RMP64: variants seen among roughly 807,000 people sequenced by gnomAD.
RMP64 encodes the protein nucleolus and neural progenitor protein.
At chr3:113,008,153 T>G in the RMP64 span, 1 of 1,600,516 alleles carries the variant, frequency 6.2e-7, no homozygotes, top group Non-Finnish European at 8.5e-7. Context: ...AGTAACATAA[T>G]TTTTGCAATA....
At chr3:113,004,098 T>C in the RMP64 span, 92 of 152,308 alleles carry the variant, frequency 6.0e-4, 1 homozygote, top group African/African-American at 2.1e-3. Context: ...GAAATCTCCT[T>C]GGTATTGTCT....
chr3:113,017,769 T>C, the RMP64 span, among the ~76,000 whole-genome samples: 1 of 152,180 alleles, frequency 6.6e-6, no homozygotes, highest in African/African-American at 2.4e-5. Context: ...ATAAGAGAAG[T>C]TGGAAAATGG....
chr3:113,008,529 TAGA>T, the RMP64 span: 6 of 1,058,118 alleles, frequency 5.7e-6, no homozygotes, highest in Non-Finnish European at 8.3e-6. Context: ...ATTTAAAAAT[TAGA>T]ATTATCAGTC....
the RMP64 span, chr3:113,013,153 TAAG>T: frequency 4.6e-5 from 53 of 1,142,526 alleles, no homozygotes; most frequent in Non-Finnish European, 6.6e-5. Context: ...AGCAAAAGTT[TAAG>T]AATTCCTGTA....
At chr3:113,017,734 C>A in the RMP64 span, 1 of 749,326 alleles carries the variant, frequency 1.3e-6, no homozygotes. Context: ...TCAGTCTCAA[C>A]TGTAAGAACG....
At chr3:113,013,619 T>G in the RMP64 span, among the ~76,000 whole-genome samples, 2 of 152,158 alleles carry the variant, frequency 1.3e-5, no homozygotes, top group Non-Finnish European at 2.9e-5. Context: ...AAGCTCCCAT[T>G]ACTTTCATTT....
chr3:113,006,219 T>C, the RMP64 span, among the ~76,000 whole-genome samples: 1 of 152,152 alleles, frequency 6.6e-6, no homozygotes, highest in Non-Finnish European at 1.5e-5. Flanking sequence ...TGTGTCCCCA[T>C]TTTGCTTTCA....
At chr3:113,015,952 G>A in the RMP64 span, among the ~76,000 whole-genome samples, 1 of 151,832 alleles carries the variant, frequency 6.6e-6, no homozygotes, top group Non-Finnish European at 1.5e-5. Context: ...TGCCAGAAAG[G>A]CTTAAAATGG....
the RMP64 span, among the ~76,000 whole-genome samples, chr3:113,015,392 CAAAT>C: frequency 3.1e-4 from 47 of 152,198 alleles, no homozygotes; most frequent in African/African-American, 1.0e-3. Flanking sequence ...GCTATGAAGA[CAAAT>C]AAGGCAGAGA....
chr3:113,019,471 C>T, the RMP64 span: 984,311 of 1,300,084 alleles, frequency 0.76, 380,416 homozygotes, highest in Non-Finnish European at 0.8. Flanking sequence ...CACCCCCGCC[C>T]ACATGCGCCG....
At chr3:113,011,516 G>A in the RMP64 span, 1 of 974,266 alleles carries the variant, frequency 1.0e-6, no homozygotes, top group Non-Finnish European at 1.5e-6. Context: ...AGGTCCTCCA[G>A]TACAGATAAA....
chr3:113,011,764 A>G, the RMP64 span, among the ~76,000 whole-genome samples: 1 of 152,184 alleles, frequency 6.6e-6, no homozygotes, highest in Non-Finnish European at 1.5e-5. Context: ...AAATTTCTTA[A>G]AACAGGCATG....
chr3:113,014,239 C>T, the RMP64 span: 1 of 452,342 alleles, frequency 2.2e-6, no homozygotes, highest in Non-Finnish European at 4.0e-6. Context: ...CAGCCAAACA[C>T]ATTTTTAAAA....
At chr3:113,016,768 G>T in the RMP64 span, among the ~76,000 whole-genome samples, 1 of 152,184 alleles carries the variant, frequency 6.6e-6, no homozygotes, top group Non-Finnish European at 1.5e-5. Flanking sequence ...CTGGCACACA[G>T]AAAGTTCAAA....
At chr3:113,013,940 A>T in the RMP64 span, 1 of 1,590,322 alleles carries the variant, frequency 6.3e-7, no homozygotes, top group Non-Finnish European at 8.6e-7. Context: ...AAGCAACTGG[A>T]CCACTTACTT....
chr3:113,016,539 G>A, the RMP64 span, among the ~76,000 whole-genome samples: 1 of 152,130 alleles, frequency 6.6e-6, no homozygotes, highest in Non-Finnish European at 1.5e-5. Flanking sequence ...GGGTTAGCAA[G>A]CTTGCTTTTG....
the RMP64 span, chr3:113,017,521 T>TC: frequency 6.2e-7 from 1 of 1,614,098 alleles, no homozygotes; most frequent in South Asian, 1.1e-5. Flanking sequence ...ACATAACACA[T>TC]CTGTTTCTGC....
the RMP64 span, chr3:113,013,467 T>TG: frequency 2.9e-6 from 4 of 1,392,116 alleles, no homozygotes; most frequent in African/African-American, 6.7e-5. Context: ...TTTTTGTTTT[T>TG]TTTTTTTTTA....
the RMP64 span, chr3:113,012,745 C>T: frequency 1.9e-6 from 3 of 1,594,124 alleles, no homozygotes; most frequent in Non-Finnish European, 2.6e-6. Context: ...ATAACCTGCT[C>T]ACCAGCCCAA....
Sources: gnomAD v4.1 joint callset for allele counts (sites outside exome capture counted in the v4.1 genomes callset) on GRCh38, gnomAD v4.1.1 for gene constraint, MANE v1.5 for transcripts, NCBI Gene and HGNC (gene_info 2026-07-23, HGNC 2026-07-21) for gene names.